The following BRI3 variants were observed in gnomAD, a reference collection of about 807,000 sequenced individuals.
BRI3 encodes membrane protein BRI3.
Under a neutral mutation model 12.8 loss-of-function variants are expected in BRI3, and 6 were observed. The observed-to-expected ratio is 0.47, with a 90% CI of 0.26 to 0.93. The LOEUF (loss-of-function observed/expected upper bound fraction) is 0.93, where lower values mean the gene tolerates loss of function less well. Ranked by LOEUF, BRI3 falls within the 40% of genes least tolerant of loss-of-function variation. The pLI is 0.15. For missense variants in BRI3, 134 were observed against 171.1 expected, an observed-to-expected ratio of 0.78 and a Z score of 1.21; for synonymous variants, 91 against 76.1, an observed-to-expected ratio of 1.20 and a Z score of -1.02.
the BRI3 span, among the ~76,000 whole-genome samples, chr7:98,319,689 G>A: frequency 1.3e-5 from 2 of 151,982 alleles, no homozygotes; most frequent in Non-Finnish European, 2.9e-5. Flanking sequence ...TGGGATGACA[G>A]GCATGCACCA....
Position 98,285,260 on chromosome 7 carries a change from G to A in BRI3, c.245+2807G>A, listed in dbSNP as rs558960127. 8.2e-4 allele frequency among the ~76,000 whole-genome samples: 125 copies of A among 152,280 alleles called. 1 individual carries two copies. The highest frequency in any genetic ancestry group is 3.8e-3 in the Admixed American group (58 of 15,304). On this transcript the variant is annotated intron_variant, in intron 2 of 2. Coordinates refer to ENST00000297290, the MANE Select transcript of BRI3 (RefSeq NM_015379.5). ...AGCGTGGAGGCTGCCACGGCCCTTG[G>A]GGGGCAGAGGTGGGCTGTGGAGGGC... is the stretch of plus-strand genomic sequence containing the variant.
exon 2 of BRI3, chr7:98,307,655 G>A (rs766062967): frequency 5.6e-6 from 9 of 1,610,526 alleles, no homozygotes; most frequent in Non-Finnish European, 7.6e-6. Context: ...GGGGCCGTCT[G>A]GTGCCCTGCG....
chr7:98,311,968 A>T, downstream of BRI3: 1 of 903,740 alleles, frequency 1.1e-6, no homozygotes, highest in Non-Finnish European at 1.7e-6. Context: ...GTAAGGGGAT[A>T]GAGGTGCGAA....
At chr7:98,320,383 T>A in the BRI3 span, 1 of 1,087,630 alleles carries the variant, frequency 9.2e-7, no homozygotes, top group Non-Finnish European at 1.3e-6. Flanking sequence ...TCGCCCAGGC[T>A]GGAGTGCAAA....
chr7:98,306,454 G>T (rs1421884968), upstream of BRI3: 3 of 1,614,152 alleles, frequency 1.9e-6, no homozygotes, highest in Admixed American at 5.0e-5. Context: ...CGTGGGCACG[G>T]TCACTGCTTC....
chr7:98,292,560 G>A (rs940243585), downstream of BRI3: 11 of 1,374,270 alleles, frequency 8.0e-6, no homozygotes, highest in South Asian at 2.5e-5. Context: ...CAGCCAGTGC[G>A]TAGTCCTCAC....
upstream of BRI3, among the ~76,000 whole-genome samples, chr7:98,302,826 C>A (rs1800484500): frequency 6.6e-6 from 1 of 152,168 alleles, no homozygotes; most frequent in Non-Finnish European, 1.5e-5. Context: ...TCTCTGTCAT[C>A]CAGGCTGGCA....
chr7:98,282,125 G>T (rs933871026), intron 1 of BRI3, among the ~76,000 whole-genome samples, 188 bp downstream of exon 1: 2 of 152,166 alleles, frequency 1.3e-5, no homozygotes, highest in Non-Finnish European at 2.9e-5. Flanking sequence ...CCTCGGGCCC[G>T]TCGTAACCCG....
At chr7:98,306,658 T>C in exon 1 of BRI3, 1 of 1,220,958 alleles carries the variant, frequency 8.2e-7, no homozygotes, top group South Asian at 1.5e-5. Context: ...AATTAAGGCT[T>C]TTAATAGGTA....
chr7:98,322,527 G>A, the BRI3 span, among the ~76,000 whole-genome samples: 5 of 152,324 alleles, frequency 3.3e-5, no homozygotes, highest in East Asian at 7.7e-4. Flanking sequence ...CCTGTAGGGT[G>A]CAGCCATGTC....
At chr7:98,304,458 G>T (rs1237631646), upstream of BRI3, 2 of 1,403,488 alleles carry the variant, frequency 1.4e-6, no homozygotes, top group East Asian at 4.8e-5. Context: ...CCTGACCAAG[G>T]ACAACAGTAA....
chr7:98,290,228 G>A (rs1395606126), intron 2 of BRI3, among the ~76,000 whole-genome samples: 10 of 122,512 alleles, frequency 8.2e-5, no homozygotes, highest in African/African-American at 1.6e-4. Context: ...TCGCTCTGTC[G>A]CCCAGGCCGG....
chr7:98,293,088 G>A (rs970425096), downstream of BRI3: 18 of 561,000 alleles, frequency 3.2e-5, no homozygotes, highest in East Asian at 9.3e-5. Flanking sequence ...GCAAACTTAC[G>A]TGATATCTTC....
chr7:98,299,855 A>G (rs1301759574), intron 1 of BRI3, among the ~76,000 whole-genome samples: 3 of 152,084 alleles, frequency 2.0e-5, no homozygotes, highest in African/African-American at 7.2e-5. Flanking sequence ...AGCCTGGCCA[A>G]CATGGTGAAA....
intron 1 of BRI3, among the ~76,000 whole-genome samples, chr7:98,300,753 C>T (rs921338607): frequency 6.6e-6 from 1 of 152,146 alleles, no homozygotes; most frequent in African/African-American, 2.4e-5. Flanking sequence ...GCTGGCGGCA[C>T]CACTCCCCTC....
At chr7:98,299,707 A>T (rs1562963741) in intron 1 of BRI3, among the ~76,000 whole-genome samples, 1 of 152,144 alleles carries the variant, frequency 6.6e-6, no homozygotes, top group Non-Finnish European at 1.5e-5. Context: ...ATCTATTCCT[A>T]ACTGTCCAAT....
At position 98,291,225 on chromosome 7, in the gene BRI3, T is replaced by C. The variant is rs930166898; in HGVS notation, c.360T>C (p.Cys120=). Residue 120 remains cysteine (C), a synonymous_variant, in exon 3 of 3, where the codon TGT becomes TGC. Transcript: ENST00000297290. ...TGAGGAAGCGACGATGCCCCAACTG[T>C]GGAGCCACCTTCGCTTAAAGGGAAC... The part of the protein sequence containing the change: ...FALRKRRCPN[C]GATFA The C allele has an allele frequency of 1.5e-5, 24 of 1,613,290 alleles. No homozygotes were observed. Among genetic ancestry groups the C allele is most frequent in the Non-Finnish European group, 1.9e-5 (22 of 1,180,048 alleles).
At chr7:98,304,631 T>C (rs1336226893), upstream of BRI3, among the ~76,000 whole-genome samples, 1 of 152,128 alleles carries the variant, frequency 6.6e-6, no homozygotes, top group Non-Finnish European at 1.5e-5. Flanking sequence ...CACTGCAACC[T>C]CTGCCTTCTA....
chr7:98,298,899 T>A (rs545619670), intron 1 of BRI3, among the ~76,000 whole-genome samples: 122 of 152,244 alleles, frequency 8.0e-4, no homozygotes, highest in African/African-American at 2.7e-3. Flanking sequence ...TGCAGTGCAG[T>A]GGCACAATGA....
Sources: allele counts gnomAD v4.1 joint callset (sites outside exome capture counted in the v4.1 genomes callset), GRCh38; gene constraint gnomAD v4.1.1; transcripts MANE v1.5; gene names NCBI Gene and HGNC (gene_info 2026-07-23, HGNC 2026-07-21).